Variants in TMEM87A observed in about 807,000 individuals in gnomAD.
TMEM87A encodes Golgi-pH regulating cation channel.
TMEM87A carries 50 observed loss-of-function variants against 90.0 expected under a neutral mutation model. That is an observed-to-expected ratio of 0.56 (90% confidence interval 0.44 to 0.70). TMEM87A has a LOEUF of 0.70. TMEM87A is among the 30% of genes least tolerant of loss of function. The pLI is 0.00. For synonymous variants in TMEM87A, 226 were observed against 226.7 expected (o/e 1.00, Z 0.03); for missense variants, 577 against 660.5 (o/e 0.87, Z 1.39).
At chr15:42,214,399 A>G (rs770279720) in intron 19 of TMEM87A, among the ~76,000 whole-genome samples, 2 of 152,250 alleles carry the variant, frequency 1.3e-5, no homozygotes, top group African/African-American at 2.4e-5. Flanking sequence ...CGACAGGCCA[A>G]TATCCCTGAT....
chr15:42,232,404 T>C (rs980360319), intron 11 of TMEM87A, among the ~76,000 whole-genome samples: 16 of 152,188 alleles, frequency 1.1e-4, no homozygotes, highest in African/African-American at 3.4e-4. Flanking sequence ...CTTAGATTCT[T>C]TGGTTTCCTT....
At chr15:42,247,541 G>A (rs1030030745) in intron 6 of TMEM87A, among the ~76,000 whole-genome samples, 5 of 152,082 alleles carry the variant, frequency 3.3e-5, no homozygotes, top group Admixed American at 6.5e-5. Flanking sequence ...TATTAAATAG[G>A]GAATCCTTTT....
In TMEM87A at chr15:42,231,354, GA is replaced by G. The variant is rs998655310; in HGVS notation, c.1063-95del. 3.9e-5 allele frequency: 39 copies of G among 1,011,040 alleles called. No homozygotes were observed. The Admixed American group carries it at 1.4e-3, about 35-fold the overall frequency. 62.6% of individuals were successfully genotyped at this position (1,011,040 alleles called of 1,614,324 possible). On this transcript the variant is annotated intron_variant, in intron 11 of 19. Transcript: ENST00000389834. ...TGATTCTGCATTTACATAATCACTG[GA>G]AAGTTTTTGCATTGAACTGAAAGAA...
At chr15:42,234,719 A>G (rs1875522774) in intron 10 of TMEM87A, among the ~76,000 whole-genome samples, 2 of 152,060 alleles carry the variant, frequency 1.3e-5, no homozygotes, top group African/African-American at 4.8e-5. Flanking sequence ...CTCTCCTCCT[A>G]TACTCTCTGG....
At chr15:42,267,856 C>G in intron 3 of TMEM87A, 91 bp downstream of exon 3, 1 of 1,007,384 alleles carries the variant, frequency 9.9e-7, no homozygotes, top group South Asian at 1.7e-5. Context: ...TCCTCCATAG[C>G]TACATGATAC....
intron 3 of TMEM87A, among the ~76,000 whole-genome samples, chr15:42,265,467 C>CT (rs902506803): frequency 2.0e-4 from 30 of 146,950 alleles, no homozygotes; most frequent in African/African-American, 3.5e-4. Context: ...CGATACTGAG[C>CT]TTTTTTTTTT....
chr15:42,223,851 G>A (rs1462651824), intron 15 of TMEM87A, among the ~76,000 whole-genome samples: 1 of 151,972 alleles, frequency 6.6e-6, no homozygotes, highest in Non-Finnish European at 1.5e-5. Context: ...AAAATGATGG[G>A]ACATAAAACA....
chr15:42,228,696 A>G lies in TMEM87A; in HGVS notation c.1240+16T>C. On this transcript the variant is annotated intron_variant, in intron 13 of 19. Transcript: ENST00000389834. Reference sequence around the variant, plus strand: ...CAGATCACATTTGAACTCCAAGAAGAAAGTCCCAGACTTACCTGCCACTGC... The same window carrying G: ...CAGATCACATTTGAACTCCAAGAAGGAAGTCCCAGACTTACCTGCCACTGC... The G allele has an allele frequency of 3.1e-6, 5 of 1,604,970 alleles. No individual in the cohort carries two copies. Among genetic ancestry groups the G allele is most frequent in the Non-Finnish European group, 4.3e-6 (5 of 1,171,660 alleles).
chr15:42,264,740 G>A (rs898563141), intron 3 of TMEM87A, among the ~76,000 whole-genome samples: 3 of 133,332 alleles, frequency 2.3e-5, no homozygotes, highest in South Asian at 2.3e-4. Context: ...GTATACATAC[G>A]CAACTTTGTT....
At chr15:42,268,144 G>A (rs1020058348) in intron 2 of TMEM87A, 112 bp from the exon 3 acceptor site, 1 of 697,376 alleles carries the variant, frequency 1.4e-6, no homozygotes, top group South Asian at 2.3e-5. Context: ...GATACTCAAA[G>A]ACCATCCTTT....
In TMEM87A at chr15:42,264,087, T is replaced by C. The variant is rs2051349936; in HGVS notation, c.405+3A>G. 5.0e-6 allele frequency: 8 copies of C among 1,607,248 alleles called. No individual in the cohort carries two copies. The highest frequency in any genetic ancestry group is 6.8e-6 in the Non-Finnish European group (8 of 1,175,422). On this transcript the variant is annotated splice_donor_region_variant and intron_variant, in intron 4 of 19. Coordinates refer to ENST00000389834, the MANE Select transcript of TMEM87A (RefSeq NM_015497.5). The stretch of plus-strand genomic sequence containing the variant: ...TTTATCTCCAATCACTTTCAAAGAT[T>C]ACCTGTGTTTTAAAGAGTTCACTGC...
intron 4 of TMEM87A, among the ~76,000 whole-genome samples, chr15:42,261,886 G>C (rs1415773317): frequency 3.3e-5 from 5 of 152,084 alleles, no homozygotes; most frequent in Non-Finnish European, 2.9e-5. Flanking sequence ...CGCCCACATC[G>C]GCCTCCCGAA....
intron 9 of TMEM87A, among the ~76,000 whole-genome samples, 167 bp from the exon 10 acceptor site, chr15:42,236,586 C>G (rs1476008150): frequency 6.6e-6 from 1 of 152,228 alleles, no homozygotes; most frequent in Non-Finnish European, 1.5e-5. Flanking sequence ...GCTGATGCCA[C>G]TCACAATCTT....
chr15:42,244,176 G>C lies in TMEM87A; in HGVS notation c.505-9C>G. 1 of 1,501,068 alleles carries C rather than the reference G, an allele frequency of 6.7e-7. No homozygotes were observed. Among genetic ancestry groups the C allele is most frequent in the Non-Finnish European group, 8.9e-7 (1 of 1,118,290 alleles). 93.0% of individuals were successfully genotyped at this position (1,501,068 alleles called of 1,614,324 possible). ...AATGGTTCATGCATTGCCTAGAAAGGGAAAAGGGCATCACATCTATAAATC... is the reference window on the plus strand; with the variant it reads ...AATGGTTCATGCATTGCCTAGAAAGCGAAAAGGGCATCACATCTATAAATC... On this transcript the variant is annotated splice_polypyrimidine_tract_variant and intron_variant, in intron 6 of 19. Transcript: ENST00000389834.
chr15:42,220,329 T>C (rs1224040061), intron 15 of TMEM87A, among the ~76,000 whole-genome samples, 194 bp from the exon 16 acceptor site: 1 of 152,256 alleles, frequency 6.6e-6, no homozygotes, highest in East Asian at 1.9e-4. Flanking sequence ...GACAGTATCA[T>C]ATTTATGAGT....
chr15:42,258,981 G>C (rs1391031685), intron 6 of TMEM87A: 5 of 890,002 alleles, frequency 5.6e-6, no homozygotes, highest in East Asian at 2.6e-5. Context: ...TTCAAGAAAG[G>C]CATCTGAATC....
chr15:42,250,180 T>A lies in TMEM87A; in HGVS notation c.505-6013A>T, dbSNP rs565591217. On this transcript the variant is annotated intron_variant, in intron 6 of 19. Coordinates refer to ENST00000389834, the MANE Select transcript of TMEM87A (RefSeq NM_015497.5). Reference sequence around the variant, plus strand: ...TTTGTCTCTGCACATGAGATGGGTATCCTGAATACAGCACACCAATGGGTC... The same window carrying A: ...TTTGTCTCTGCACATGAGATGGGTAACCTGAATACAGCACACCAATGGGTC... Among the ~76,000 whole-genome samples, 6 of 152,348 alleles carry A rather than the reference T, an allele frequency of 3.9e-5. No individual in the cohort carries two copies. In the South Asian group the frequency reaches 1.2e-3, roughly 32 times the overall value.
chr15:42,242,186 C>G (rs2050884610), intron 7 of TMEM87A, among the ~76,000 whole-genome samples: 1 of 152,092 alleles, frequency 6.6e-6, no homozygotes, highest in South Asian at 2.1e-4. Flanking sequence ...GAGGCCGACT[C>G]CATGATCATG....
chr15:42,211,063 TA>T lies in TMEM87A; in HGVS notation c.*644del, dbSNP rs1435126473. 6.6e-6 allele frequency: 1 copy of T among 152,566 alleles called. No homozygotes were observed. Among genetic ancestry groups the T allele is most frequent in the Admixed American group, 6.5e-5 (1 of 15,276 alleles). The allele number at this position is 152,566 out of a possible 1,614,324, so 9.5% of individuals were successfully genotyped here. On this transcript the variant is annotated 3_prime_UTR_variant, in exon 20 of 20. Transcript: ENST00000389834. Reference sequence around the variant, plus strand: ...ACATCTGAAATAGAAAAATCTTTAATATACACCATTTGTAAACAAAATTGCA... The same window carrying T: ...ACATCTGAAATAGAAAAATCTTTAATTACACCATTTGTAAACAAAATTGCA...
Sources: allele counts gnomAD v4.1 joint callset (sites outside exome capture counted in the v4.1 genomes callset), GRCh38; gene constraint gnomAD v4.1.1; transcripts MANE v1.5; gene names NCBI Gene and HGNC (gene_info 2026-07-23, HGNC 2026-07-21).